Variants in MAN1C1 observed in about 807,000 individuals in gnomAD.
MAN1C1 encodes the protein mannosidase alpha class 1C member 1.
Under a neutral mutation model 71.5 loss-of-function variants are expected in MAN1C1, and 49 were observed. The ratio of observed to expected loss-of-function variants is 0.69; its 90% CI spans 0.54 to 0.87. MAN1C1 has a LOEUF of 0.87. MAN1C1 is among the 40% of genes least tolerant of loss of function. The pLI, the probability that MAN1C1 is intolerant of heterozygous loss-of-function variation, is 0.00. For missense variants in MAN1C1, 743 were observed against 835.0 expected (o/e 0.89, Z 1.36); for synonymous variants, 352 against 343.7 (o/e 1.02, Z -0.27).
chr1:25,757,551 T>C (rs1165801042), intron 5 of MAN1C1, among the ~76,000 whole-genome samples: 1 of 152,108 alleles, frequency 6.6e-6, no homozygotes, highest in African/African-American at 2.4e-5. Context: ...CACCTTCTTT[T>C]CCTCTTTATT....
At chr1:25,674,439 C>T (rs2046035933) in intron 1 of MAN1C1, among the ~76,000 whole-genome samples, 1 of 152,200 alleles carries the variant, frequency 6.6e-6, no homozygotes, top group Admixed American at 6.5e-5. Flanking sequence ...AACAGAGCCT[C>T]GTGGAGCCTG....
Position 25,746,814 on chromosome 1 carries a change from G to T in MAN1C1, c.753+31G>T. 8.9e-7 allele frequency: 1 copy of T among 1,119,854 alleles called. No individual in the cohort carries two copies. The highest frequency in any genetic ancestry group is 1.3e-5 in the South Asian group (1 of 74,956). 69.4% of individuals were successfully genotyped at this position (1,119,854 alleles called of 1,614,324 possible). A position where few individuals can be genotyped will look rare whatever the true frequency, so the allele number is the denominator to read the frequency against. ...TCAGAGGCCCTCGGCGGGGGAGGGGGGCGGGGGCCAGAAGAGGCCCAACAG... is the reference window on the plus strand; with the variant it reads ...TCAGAGGCCCTCGGCGGGGGAGGGGTGCGGGGGCCAGAAGAGGCCCAACAG... On this transcript the variant is annotated intron_variant, in intron 3 of 11. Coordinates refer to ENST00000374332, the MANE Select transcript of MAN1C1 (RefSeq NM_020379.4). The surrounding 1 kb of genome is among the most constrained non-coding windows in gnomAD (Gnocchi z 4.0).
At chr1:25,672,281 A>T (rs55923979) in intron 1 of MAN1C1, among the ~76,000 whole-genome samples, 13,260 of 152,196 alleles carry the variant, frequency 0.087, 1,270 homozygotes, top group East Asian at 0.22. Flanking sequence ...GATGGTGCTT[A>T]CCTACATTGG....
chr1:25,766,733 G>A (rs1021159943), intron 7 of MAN1C1, among the ~76,000 whole-genome samples: 4 of 152,096 alleles, frequency 2.6e-5, no homozygotes, highest in East Asian at 1.9e-4. Flanking sequence ...GAGAGCTGCC[G>A]AGGAGGGGTC....
chr1:25,783,513 AC>A, intron 11 of MAN1C1, 149 bp from the exon 12 acceptor site: 2 of 808,308 alleles, frequency 2.5e-6, no homozygotes, highest in Non-Finnish European at 4.0e-6. Context: ...TAGCACCCCC[AC>A]CCTGCTGCCC....
At chr1:25,691,704 C>T (rs1489774780) in intron 2 of MAN1C1, among the ~76,000 whole-genome samples, 1 of 152,106 alleles carries the variant, frequency 6.6e-6, no homozygotes, top group Non-Finnish European at 1.5e-5. Flanking sequence ...CCTGTTTTTT[C>T]CCCCAGCCCT....
At chr1:25,665,992 A>G (rs369271734) in intron 1 of MAN1C1, among the ~76,000 whole-genome samples, 49 of 151,530 alleles carry the variant, frequency 3.2e-4, no homozygotes, top group African/African-American at 1.1e-3. Context: ...TACATTCCAC[A>G]TTGTTCATGC....
At chr1:25,705,448 G>T (rs1428312046) in intron 2 of MAN1C1, among the ~76,000 whole-genome samples, 2 of 152,194 alleles carry the variant, frequency 1.3e-5, no homozygotes, top group African/African-American at 4.8e-5. Flanking sequence ...ATGGACTGTT[G>T]TTATATAGTC....
At chr1:25,755,837 A>G (rs997068560) in intron 5 of MAN1C1, among the ~76,000 whole-genome samples, 7 of 152,338 alleles carry the variant, frequency 4.6e-5, no homozygotes, top group Non-Finnish European at 1.0e-4. Context: ...AACACAGGCT[A>G]TGGGCCCACT....
rs1572189003 is a variant in MAN1C1, at chr1:25,743,870, G to T, written c.638-2798G>T. On this transcript the variant is annotated intron_variant, in intron 2 of 11. Transcript: ENST00000374332. ...CCTGGGCCTCTCTTGATCCGTAACT[G>T]ATCAGAGTGGGTGGGGTGGGGTGAG... Among the ~76,000 whole-genome samples, 3 of 152,356 alleles carry T rather than the reference G, an allele frequency of 2.0e-5. 1 individual carries two copies. The South Asian group carries it at 6.2e-4, about 32-fold the overall frequency.
In MAN1C1 at chr1:25,783,964, C is replaced by T. The variant is rs184058216; in HGVS notation, c.*175C>T. ...GAGGAGACAAGACTTGGAGACTCAG[C>T]GATGTCAGGCCAGGGCCATGGCCAC... On this transcript the variant is annotated 3_prime_UTR_variant, in exon 12 of 12. Transcript: ENST00000374332. 3.1e-4 allele frequency: 251 copies of T among 811,776 alleles called. No homozygotes were observed. The highest frequency in any genetic ancestry group is 1.5e-3 in the African/African-American group (88 of 57,944). The allele number at this position is 811,776 out of a possible 1,614,324, so 50.3% of individuals were successfully genotyped here.
At chr1:25,623,212 C>A (rs2045241617) in intron 1 of MAN1C1, among the ~76,000 whole-genome samples, 1 of 152,150 alleles carries the variant, frequency 6.6e-6, no homozygotes, top group South Asian at 2.1e-4. Flanking sequence ...TCCGTAGGAC[C>A]AAGTGTGCAG....
intron 1 of MAN1C1, among the ~76,000 whole-genome samples, chr1:25,648,326 T>G (rs528741621): frequency 5.2e-4 from 79 of 152,198 alleles, no homozygotes; most frequent in Non-Finnish European, 9.6e-4. Context: ...GGCTCTAGAT[T>G]CAGCATTCTT....
chr1:25,706,967 A>G (rs992226812), intron 2 of MAN1C1, among the ~76,000 whole-genome samples: 1 of 152,176 alleles, frequency 6.6e-6, no homozygotes, highest in African/African-American at 2.4e-5. Flanking sequence ...TTCCCACCTT[A>G]GTTGCCTTGC....
rs2047600550 is a variant in MAN1C1 at position 25,775,015 on chromosome 1, T to G, written c.1258-3090T>G. Among the ~76,000 whole-genome samples the G allele has an allele frequency of 6.6e-6, 1 of 152,232 alleles. No homozygotes were observed. Among genetic ancestry groups the G allele is most frequent in the Non-Finnish European group, 1.5e-5 (1 of 68,042 alleles). ...GAGGCAGTGGTTTATAATTTCCTCT[T>G]GACTGCAATTACTTAGCTTGGGGCC... On this transcript the variant is annotated intron_variant, in intron 8 of 11. Coordinates refer to ENST00000374332, the MANE Select transcript of MAN1C1 (RefSeq NM_020379.4). The surrounding 1 kb of genome is among the most constrained non-coding windows in gnomAD (Gnocchi z 5.1).
intron 1 of MAN1C1, among the ~76,000 whole-genome samples, chr1:25,670,963 A>G (rs912928409): frequency 1.3e-5 from 2 of 152,092 alleles, no homozygotes; most frequent in Non-Finnish European, 1.5e-5. Flanking sequence ...TGCAACCACC[A>G]CTTCCTGGGC....
At chr1:25,737,574 A>T (rs1009215426) in intron 2 of MAN1C1, among the ~76,000 whole-genome samples, 1 of 152,170 alleles carries the variant, frequency 6.6e-6, no homozygotes, top group Admixed American at 6.6e-5. Flanking sequence ...CTCTGTGCCC[A>T]GCCTGAGGAT....
rs901997619 is a variant in MAN1C1, at chr1:25,778,413, G to T, written c.1477+89G>T. ...AGACCGGCAGCAGTGAGCGAAGGGA[G>T]CACATGGCCTTAGGGAAGCCTCCCC... is the stretch of plus-strand genomic sequence containing the variant. On this transcript the variant is annotated intron_variant, in intron 9 of 11. Transcript: ENST00000374332. This position sits in a 1 kb window ranked among gnomAD's most constrained non-coding sequence, Gnocchi z 5.5. 6.0e-6 allele frequency: 8 copies of T among 1,333,518 alleles called. No individual in the cohort carries two copies. The African/African-American group carries it at 7.4e-5, about 12-fold the overall frequency. The allele number at this position is 1,333,518 out of a possible 1,614,324, so 82.6% of individuals were successfully genotyped here. A position where few individuals can be genotyped will look rare whatever the true frequency, so the allele number is the denominator to read the frequency against.
intron 1 of MAN1C1, among the ~76,000 whole-genome samples, chr1:25,620,735 G>T (rs914212447): frequency 1.3e-5 from 2 of 152,174 alleles, no homozygotes; most frequent in African/African-American, 4.8e-5. Flanking sequence ...ATTTTAAAGT[G>T]AAAGTAAATA....
Sources: gnomAD v4.1 joint callset for allele counts (sites outside exome capture counted in the v4.1 genomes callset) on GRCh38, gnomAD v4.1.1 for gene constraint, Gnocchi (gnomAD v3.1) non-coding constraint, MANE v1.5 for transcripts, NCBI Gene and HGNC (gene_info 2026-07-23, HGNC 2026-07-21) for gene names.